Variants in FAAH2 observed in about 807,000 individuals in gnomAD.
FAAH2 encodes fatty-acid amide hydrolase 2.
In FAAH2, 60 loss-of-function variants were observed where a neutral mutation model predicts 36.9. The ratio of observed to expected loss-of-function variants is 1.63; its 90% CI spans 1.32 to 2.02. The LOEUF (loss-of-function observed/expected upper bound fraction) is 2.02. Among genes scored for constraint, FAAH2 ranks in the 30% most tolerant of loss-of-function variants. The pLI, the probability that FAAH2 is intolerant of heterozygous loss-of-function variation, is 0.00. For missense variants in FAAH2, 689 were observed against 397.5 expected, an observed-to-expected ratio of 1.73 and a Z score of -6.23; for synonymous variants, 214 against 143.8, an observed-to-expected ratio of 1.49 and a Z score of -3.49.
At chrX:57,375,723 G>T (rs1408182549) in intron 5 of FAAH2, among the ~76,000 whole-genome samples, 1 of 111,264 alleles carries the variant, frequency 9.0e-6, no homozygotes, top group Non-Finnish European at 1.9e-5. Flanking sequence ...AGAAAGCCTT[G>T]ATAAAATATT....
intron 7 of FAAH2, among the ~76,000 whole-genome samples, chrX:57,399,750 T>C (rs979316068): frequency 4.4e-5 from 5 of 112,380 alleles, no homozygotes; most frequent in African/African-American, 1.6e-4. Flanking sequence ...TCCCTTTCTC[T>C]CCATATTGCT....
the FAAH2 span, among the ~76,000 whole-genome samples, chrX:57,155,423 C>T: frequency 1.5e-3 from 167 of 111,470 alleles, 1 homozygote; most frequent in African/African-American, 5.4e-3. Context: ...CTTTGTCATG[C>T]AGGTTATCAA....
intron 1 of FAAH2, among the ~76,000 whole-genome samples, chrX:57,289,351 C>A (rs1471500599): frequency 9.0e-6 from 1 of 110,699 alleles, no homozygotes; most frequent in Non-Finnish European, 1.9e-5. Flanking sequence ...TTCTATTATT[C>A]AGAATTCAGG....
At chrX:57,316,782 C>T (rs1372750260) in intron 3 of FAAH2, among the ~76,000 whole-genome samples, 1 of 110,797 alleles carries the variant, frequency 9.0e-6, no homozygotes, top group East Asian at 2.8e-4. Context: ...GAGATGAAAA[C>T]CTAAGAAATA....
chrX:57,169,881 C>CACACACACACACAA, the FAAH2 span, among the ~76,000 whole-genome samples: 1 of 108,691 alleles, frequency 9.2e-6, no homozygotes, highest in Non-Finnish European at 1.9e-5. Context: ...CACACACACA[C>CACACACACACACAA]ACACACACAC....
At chrX:57,467,848 C>A (rs112918002) in intron 10 of FAAH2, among the ~76,000 whole-genome samples, 1 of 111,765 alleles carries the variant, frequency 8.9e-6, no homozygotes, top group East Asian at 2.8e-4. Flanking sequence ...AGACACCCCC[C>A]AGTAGGGGCA....
the FAAH2 span, among the ~76,000 whole-genome samples, chrX:57,203,058 C>T: frequency 4.5e-5 from 5 of 111,912 alleles, no homozygotes; most frequent in East Asian, 2.8e-4. Context: ...AACCCAGTGA[C>T]GCTAAAGGAA....
chrX:57,431,142 T>C (rs949853500), intron 7 of FAAH2, among the ~76,000 whole-genome samples: 2 of 111,859 alleles, frequency 1.8e-5, no homozygotes, highest in African/African-American at 6.5e-5. Flanking sequence ...TCTTCCACAA[T>C]TATCCATACT....
At chrX:57,391,779 T>C (rs900869743) in intron 7 of FAAH2, among the ~76,000 whole-genome samples, 7 of 111,196 alleles carry the variant, frequency 6.3e-5, no homozygotes, top group Non-Finnish European at 1.1e-4. Context: ...TTTCTTTTTA[T>C]GAAAAATTTA....
Position 57,406,075 on chromosome X carries a change from A to T in FAAH2, c.996+25046A>T, listed in dbSNP as rs1188158661. The stretch of plus-strand genomic sequence containing the variant: ...TTCCTTCTCATTTGAAGCAGCTGTC[A>T]CTTCTTAGTTTTGAAATTGCCATTG... On this transcript the variant is annotated intron_variant, in intron 7 of 10. Transcript: ENST00000374900. Among the ~76,000 whole-genome samples, 7 of 110,513 alleles carry T rather than the reference A, an allele frequency of 6.3e-5. No homozygotes were observed. The Admixed American group carries it at 6.8e-4, about 11-fold the overall frequency.
chrX:57,125,430 A>AGG, the FAAH2 span, among the ~76,000 whole-genome samples: 1 of 111,732 alleles, frequency 8.9e-6, no homozygotes, highest in East Asian at 2.8e-4. Flanking sequence ...ATGAAAAGTA[A>AGG]GGGGTTGGGG....
the FAAH2 span, chrX:57,127,348 T>C: frequency 1.8e-5 from 2 of 111,051 alleles, no homozygotes; most frequent in Admixed American, 1.9e-4. Context: ...TAAAAAGGCA[T>C]CATTCTAATT....
chrX:57,301,113 T>C (rs1349318809), intron 2 of FAAH2, among the ~76,000 whole-genome samples: 1 of 108,502 alleles, frequency 9.2e-6, no homozygotes, highest in Admixed American at 9.9e-5. Context: ...CATTACTGGG[T>C]ATATACCCAA....
At chrX:57,384,718 C>A (rs2054966268) in intron 7 of FAAH2, among the ~76,000 whole-genome samples, 1 of 111,536 alleles carries the variant, frequency 9.0e-6, no homozygotes, top group South Asian at 3.8e-4. Context: ...CACTTTTACA[C>A]TGTTGGTGAG....
chrX:57,180,532 C>G, the FAAH2 span, among the ~76,000 whole-genome samples: 1 of 111,119 alleles, frequency 9.0e-6, no homozygotes, highest in East Asian at 2.8e-4. Context: ...TGGAAGAATT[C>G]CTGGACACAT....
intron 8 of FAAH2, among the ~76,000 whole-genome samples, chrX:57,433,260 A>C (rs1036119662): frequency 1.5e-4 from 17 of 110,961 alleles, no homozygotes; most frequent in Non-Finnish European, 3.2e-4. Flanking sequence ...TCTGGAAAGA[A>C]AAAGAGGGGG....
intron 7 of FAAH2, chrX:57,394,927 G>T (rs1462539395): frequency 3.1e-6 from 2 of 639,701 alleles, no homozygotes; most frequent in Non-Finnish European, 5.3e-6. Flanking sequence ...CATGCCTTCT[G>T]GCAATCTGCA....
At chrX:57,229,197 G>A in the FAAH2 span, 1 of 112,150 alleles carries the variant, frequency 8.9e-6, no homozygotes, top group Admixed American at 9.4e-5. Context: ...TGAGCACTTG[G>A]ACTATCGCTC....
At chrX:57,144,193 T>A in the FAAH2 span, among the ~76,000 whole-genome samples, 1 of 111,614 alleles carries the variant, frequency 9.0e-6, no homozygotes, top group Non-Finnish European at 1.9e-5. Context: ...GTGTCAGAGG[T>A]CCTTTACATG....
Sources: gnomAD v4.1 joint callset for allele counts (sites outside exome capture counted in the v4.1 genomes callset) on GRCh38, gnomAD v4.1.1 for gene constraint, MANE v1.5 for transcripts, NCBI Gene and HGNC (gene_info 2026-07-23, HGNC 2026-07-21) for gene names.